Variants in PRPF3 observed in about 807,000 individuals in gnomAD.
PRPF3 encodes the protein pre-mRNA processing factor 3, also known as U4/U6 small nuclear ribonucleoprotein Prp3.
Under a neutral mutation model 89.2 loss-of-function variants are expected in PRPF3, and 3 were observed. That is an observed-to-expected ratio of 0.03 (90% CI 0.02 to 0.09). The LOEUF is 0.09. PRPF3 is among the 10% of genes least tolerant of loss of function. PRPF3 has a pLI of 1.00. For missense variants in PRPF3, 463 were observed against 828.8 expected, an observed-to-expected ratio of 0.56 and a Z score of 5.42; for synonymous variants, 270 against 289.1, an observed-to-expected ratio of 0.93 and a Z score of 0.67.
At chr1:150,331,955 T>G (rs918722277) in intron 4 of PRPF3, among the ~76,000 whole-genome samples, 4 of 152,022 alleles carry the variant, frequency 2.6e-5, no homozygotes, top group Non-Finnish European at 5.9e-5. Context: ...CTGGGTGCGG[T>G]GGCTCACACC....
Position 150,352,964 on chromosome 1 carries a change from A to G in PRPF3, c.2037A>G (p.Leu679=), listed in dbSNP as rs1426657168. 7 of 1,613,984 alleles carry G rather than the reference A, an allele frequency of 4.3e-6. No homozygotes were observed. Among genetic ancestry groups the G allele is most frequent in the Non-Finnish European group, 5.1e-6 (6 of 1,180,010 alleles). The change falls in exon 16 of 16, where the codon TTA becomes TTG. Residue 679 remains leucine, a synonymous_variant. Transcript: ENST00000324862. ...ACCTTGCGCTGAGTGAATCTGTGTT[A>G]GAGTCCACTGATTGAGACTACTGCA... is the stretch of plus-strand genomic sequence containing the variant. The part of the protein sequence containing the change: ...YWDLALSESV[L]ESTD
intron 15 of PRPF3, among the ~76,000 whole-genome samples, chr1:150,350,919 C>G (rs1553874214): frequency 6.6e-6 from 1 of 151,458 alleles, no homozygotes; most frequent in Admixed American, 6.6e-5. Context: ...TGTGACTATG[C>G]CACTGCACTC....
chr1:150,322,785 A>G (rs1406278967), intron 1 of PRPF3, among the ~76,000 whole-genome samples: 3 of 152,106 alleles, frequency 2.0e-5, no homozygotes, highest in African/African-American at 7.2e-5. Context: ...ATCTTGAAAG[A>G]TGATTCCCAG....
In PRPF3 at chr1:150,323,173, CTTTTTTTT is replaced by C. The variant is rs71083901; in HGVS notation, c.-49+1598_-49+1605del. Among the ~76,000 whole-genome samples, 261 of 48,296 alleles carry C rather than the reference CTTTTTTTT, an allele frequency of 5.4e-3. 4 individuals carry two copies. The highest frequency in any genetic ancestry group is 0.021 in the African/African-American group (219 of 10,360). 31.7% of individuals were successfully genotyped at this position (48,296 alleles called of 152,430 possible). ...TACAGGCGTGAGCCACCGCACCTGG[CTTTTTTTT>C]TTTTTTTTTTTTTTTTGGAGACACA... On this transcript the variant is annotated intron_variant, in intron 1 of 15. Transcript: ENST00000324862.
intron 8 of PRPF3, among the ~76,000 whole-genome samples, chr1:150,339,729 C>T (rs28664791): frequency 1.5e-3 from 223 of 145,664 alleles, no homozygotes; most frequent in South Asian, 5.7e-3. Context: ...TGAGCCACCA[C>T]GCCTGGCGTT....
At chr1:150,330,722 C>CTTT (rs1232952290) in intron 4 of PRPF3, among the ~76,000 whole-genome samples, 2 of 142,574 alleles carry the variant, frequency 1.4e-5, no homozygotes, top group African/African-American at 5.2e-5. Flanking sequence ...ATGTTTCTTT[C>CTTT]TTTTTTTTTT....
intron 15 of PRPF3, among the ~76,000 whole-genome samples, chr1:150,349,772 T>C (rs1658709042): frequency 6.6e-6 from 1 of 152,118 alleles, no homozygotes; most frequent in Admixed American, 6.6e-5. Context: ...GAATATTTTT[T>C]ATGGTTATCT....
Position 150,334,972 on chromosome 1 carries a change from C to T in PRPF3, c.766C>T (p.Leu256=), listed in dbSNP as rs782103787. The T allele has an allele frequency of 2.5e-5, 40 of 1,614,094 alleles. No homozygotes were observed. The highest frequency in any genetic ancestry group is 3.2e-5 in the Non-Finnish European group (38 of 1,180,032). ...AAAAGACCAAACGAAACCTACACCA[C>T]TGATCCTGGATGAGCAAGGGCGCAC... ...ELKDQTKPTP[L]ILDEQGRTVD... is the part of the protein sequence containing the mutation. Residue 256 remains leucine, a synonymous_variant, in exon 7 of 16, where the codon CTG becomes TTG. Transcript: ENST00000324862.
chr1:150,322,326 T>G (rs1414427251), intron 1 of PRPF3, among the ~76,000 whole-genome samples: 1 of 152,220 alleles, frequency 6.6e-6, no homozygotes, highest in Admixed American at 6.6e-5. Flanking sequence ...TAAATATTTA[T>G]TGAATGAATT....
At chr1:150,338,788 T>C (rs187173161) in intron 8 of PRPF3, among the ~76,000 whole-genome samples, 2 of 152,284 alleles carry the variant, frequency 1.3e-5, no homozygotes, top group Admixed American at 6.5e-5. Flanking sequence ...GTGCTGGGAT[T>C]ACAGGCGTGA....
At chr1:150,352,805 G>C in intron 15 of PRPF3, 28 bp from the exon 16 acceptor site, 1 of 1,608,690 alleles carries the variant, frequency 6.2e-7, no homozygotes, top group Non-Finnish European at 8.5e-7. Flanking sequence ...AGAAATTGAA[G>C]TGTTTTTATT....
At chr1:150,325,188 T>G (rs1655568648) in intron 2 of PRPF3, 101 bp downstream of exon 2, 1 of 1,396,554 alleles carries the variant, frequency 7.2e-7, no homozygotes, top group Non-Finnish European at 9.8e-7. Context: ...TCTAAAAAAA[T>G]GGCAGGCCAT....
chr1:150,323,173 C>CTTTTTTTTGTTTTTTTTTT (rs1655279300), intron 1 of PRPF3, among the ~76,000 whole-genome samples: 1 of 48,270 alleles, frequency 2.1e-5, no homozygotes, highest in Admixed American at 3.9e-4. Context: ...CCGCACCTGG[C>CTTTTTTTTGTTTTTTTTTT]TTTTTTTTTT....
chr1:150,333,677 C>T (rs1056640822), intron 6 of PRPF3, among the ~76,000 whole-genome samples: 2 of 152,138 alleles, frequency 1.3e-5, no homozygotes, highest in African/African-American at 4.8e-5. Context: ...TTCTCGTCTT[C>T]CCTGTTGGAG....
chr1:150,342,780 C>T (rs1443835321), intron 9 of PRPF3, among the ~76,000 whole-genome samples: 1 of 152,122 alleles, frequency 6.6e-6, no homozygotes. Context: ...CCGTGCCTCC[C>T]AAAGTGCTGG....
chr1:150,325,009 C>T lies in PRPF3; in HGVS notation c.67C>T (p.Leu23=), dbSNP rs1553863323. The change falls in exon 2 of 16, where the codon CTG becomes TTG. Residue 23 remains leucine (L), a synonymous_variant. Coordinates refer to ENST00000324862, the MANE Select transcript of PRPF3 (RefSeq NM_004698.4). The part of the protein sequence containing the change: ...PWIEKTVKRV[L]GFSEPTVVTA... ...GATAGAGAAGACAGTGAAGAGGGTC[C>T]TGGGTTTCTCAGAGCCTACGGTGGT... The T allele has an allele frequency of 1.9e-6, 3 of 1,613,310 alleles. No homozygotes were observed. The African/African-American group carries it at 4.0e-5, about 22-fold the overall frequency.
chr1:150,344,939 T>G (rs1466492973), intron 12 of PRPF3, among the ~76,000 whole-genome samples: 1 of 151,964 alleles, frequency 6.6e-6, no homozygotes, highest in Non-Finnish European at 1.5e-5. Flanking sequence ...ATGGAAGCAT[T>G]ACAAATTTTC....
intron 14 of PRPF3, among the ~76,000 whole-genome samples, chr1:150,348,460 A>ATTTTTCTTTTTTTTTTTTTT (rs1658532195): frequency 2.1e-5 from 1 of 48,464 alleles, no homozygotes; most frequent in Non-Finnish European, 3.5e-5. Flanking sequence ...CTACACGTGC[A>ATTTTTCTTTTTTTTTTTTTT]TTTTTTTTTT....
chr1:150,350,816 C>A (rs1373014586), intron 15 of PRPF3, among the ~76,000 whole-genome samples: 1 of 151,972 alleles, frequency 6.6e-6, no homozygotes, highest in Non-Finnish European at 1.5e-5. Flanking sequence ...CAAAAATTAG[C>A]CTGGCCTGGT....
Sources: gnomAD v4.1 joint callset for allele counts (sites outside exome capture counted in the v4.1 genomes callset) on GRCh38, gnomAD v4.1.1 for gene constraint, MANE v1.5 for transcripts, NCBI Gene and HGNC (gene_info 2026-07-23, HGNC 2026-07-21) for gene names.